Variants in ARHGAP10 observed in about 807,000 individuals in gnomAD.
ARHGAP10 encodes Rho GTPase activating protein 10, also known as rho GTPase-activating protein 10.
A neutral mutation model predicts 108.6 loss-of-function variants in ARHGAP10; 87 were observed. The observed-to-expected ratio is 0.80, with a 90% CI of 0.67 to 0.96. ARHGAP10 has a LOEUF of 0.96. Ranked by LOEUF, ARHGAP10 falls within the 40% of genes least tolerant of loss-of-function variation. The pLI, the probability that ARHGAP10 is intolerant of heterozygous loss-of-function variation, is 0.00. For missense variants in ARHGAP10, 939 were observed against 954.5 expected (o/e 0.98, Z 0.21); for synonymous variants, 347 against 341.1 (o/e 1.02, Z -0.19).
intron 13 of ARHGAP10, among the ~76,000 whole-genome samples, chr4:147,931,531 C>T (rs559716733): frequency 5.3e-5 from 8 of 152,262 alleles, no homozygotes; most frequent in African/African-American, 1.9e-4. Flanking sequence ...CAAGTCAGAT[C>T]AACCTAGCTA....
intron 19 of ARHGAP10, among the ~76,000 whole-genome samples, chr4:148,027,879 C>T (rs1039209849): frequency 6.6e-6 from 1 of 152,046 alleles, no homozygotes; most frequent in African/African-American, 2.4e-5. Flanking sequence ...CGATGGAATG[C>T]TGTTAGCCAT....
chr4:147,763,730 A>G (rs1729681022), intron 1 of ARHGAP10, among the ~76,000 whole-genome samples: 1 of 144,870 alleles, frequency 6.9e-6, no homozygotes, highest in African/African-American at 2.5e-5. Flanking sequence ...TAATTTTTAT[A>G]GACAGATGGT....
chr4:148,020,041 GA>G (rs1426814541), intron 18 of ARHGAP10, among the ~76,000 whole-genome samples: 1 of 152,138 alleles, frequency 6.6e-6, no homozygotes, highest in Admixed American at 6.5e-5. Flanking sequence ...CTGAAAATCT[GA>G]AATTCAAAAT....
chr4:147,829,879 T>C (rs973868591), intron 3 of ARHGAP10, among the ~76,000 whole-genome samples: 17 of 152,248 alleles, frequency 1.1e-4, no homozygotes, highest in Non-Finnish European at 2.4e-4. Context: ...CTCAGGATTC[T>C]GGCAAATAAG....
intron 9 of ARHGAP10, 37 bp downstream of exon 9, chr4:147,879,375 T>A (rs902764782): frequency 3.2e-6 from 5 of 1,559,400 alleles, no homozygotes; most frequent in Non-Finnish European, 4.4e-6. Context: ...GATTATAATC[T>A]GTCAGAGGTA....
At chr4:147,815,120 C>T (rs1200467082) in intron 1 of ARHGAP10, among the ~76,000 whole-genome samples, 2 of 152,188 alleles carry the variant, frequency 1.3e-5, no homozygotes, top group Non-Finnish European at 2.9e-5. Context: ...CCCTCCTCAT[C>T]TCTCACCTGG....
chr4:148,064,512 G>A lies in ARHGAP10; in HGVS notation c.2272+5G>A. 1 of 1,612,848 alleles carries A rather than the reference G, an allele frequency of 6.2e-7. No homozygotes were observed. Among genetic ancestry groups the A allele is most frequent in the East Asian group, 2.2e-5 (1 of 44,864 alleles). ...TAGGAGCAATTTTTGAGGATGGTAA[G>A]TGTTAGTGGGAGCTTCGTCTGTTAA... is the stretch of plus-strand genomic sequence containing the variant. On this transcript the variant is annotated splice_donor_5th_base_variant and intron_variant, in intron 22 of 22. Transcript: ENST00000336498.
chr4:147,831,097 C>A (rs1260128467), intron 3 of ARHGAP10, among the ~76,000 whole-genome samples: 2 of 152,226 alleles, frequency 1.3e-5, no homozygotes, highest in Non-Finnish European at 2.9e-5. Flanking sequence ...TCATGAAACT[C>A]TCCAGGTGAT....
chr4:147,849,826 C>A (rs1479531356), intron 4 of ARHGAP10, among the ~76,000 whole-genome samples: 1 of 152,176 alleles, frequency 6.6e-6, no homozygotes. Flanking sequence ...TGAGCCCTAT[C>A]TGTTTGGTTT....
At chr4:147,902,690 G>A (rs1317944872) in intron 10 of ARHGAP10, among the ~76,000 whole-genome samples, 1 of 152,064 alleles carries the variant, frequency 6.6e-6, no homozygotes, top group East Asian at 1.9e-4. Flanking sequence ...GCAGTAAGCC[G>A]AGACTGCACC....
intron 18 of ARHGAP10, among the ~76,000 whole-genome samples, chr4:148,003,144 G>C (rs1015424711): frequency 6.6e-6 from 1 of 152,146 alleles, no homozygotes; most frequent in African/African-American, 2.4e-5. Context: ...CAAAGACCAT[G>C]TTTATTTCTG....
intron 1 of ARHGAP10, among the ~76,000 whole-genome samples, chr4:147,807,440 A>AT (rs536222650): frequency 6.7e-5 from 10 of 150,304 alleles, no homozygotes; most frequent in Non-Finnish European, 1.0e-4. Flanking sequence ...TTCCAGAATT[A>AT]TTTTTTTTTT....
chr4:147,969,402 CT>C (rs376367084), intron 18 of ARHGAP10, among the ~76,000 whole-genome samples: 119 of 146,574 alleles, frequency 8.1e-4, no homozygotes, highest in African/African-American at 2.9e-3. Flanking sequence ...GTTATTAAGC[CT>C]CATTAGTGTG....
At chr4:148,038,289 T>A (rs1409356383) in intron 19 of ARHGAP10, among the ~76,000 whole-genome samples, 1 of 152,204 alleles carries the variant, frequency 6.6e-6, no homozygotes, top group Non-Finnish European at 1.5e-5. Flanking sequence ...GAGATTTTAT[T>A]GTCATAGTAT....
intron 10 of ARHGAP10, among the ~76,000 whole-genome samples, chr4:147,887,311 T>G (rs974613892): frequency 2.0e-5 from 3 of 152,092 alleles, no homozygotes; most frequent in Non-Finnish European, 4.4e-5. Context: ...TCTGTTCAGG[T>G]GTTTCCATTT....
intron 1 of ARHGAP10, among the ~76,000 whole-genome samples, chr4:147,768,710 A>C (rs1210490149): frequency 2.6e-5 from 4 of 151,000 alleles, no homozygotes; most frequent in Non-Finnish European, 5.9e-5. Context: ...TAAACATTTA[A>C]GTGCTTAAAA....
In ARHGAP10 at chr4:147,847,767, G is replaced by T. The variant is rs17023992; in HGVS notation, c.384+545G>T. On this transcript the variant is annotated intron_variant, in intron 4 of 22. Coordinates refer to ENST00000336498, the MANE Select transcript of ARHGAP10 (RefSeq NM_024605.4). The stretch of plus-strand genomic sequence containing the variant: ...TACTGTGCTGGGGATTCAAAGGTGA[G>T]TGAACCACAGACTTTGTACTTAAGT... Among the ~76,000 whole-genome samples the T allele has an allele frequency of 4.8e-3, 735 of 152,304 alleles. 11 individuals are homozygous for T. Among genetic ancestry groups the T allele is most frequent in the South Asian group, 0.048 (230 of 4,824 alleles).
chr4:147,752,565 GTC>G (rs1202674498), intron 1 of ARHGAP10, among the ~76,000 whole-genome samples: 3 of 151,158 alleles, frequency 2.0e-5, no homozygotes, highest in Non-Finnish European at 4.4e-5. Flanking sequence ...TGGTGACGGG[GTC>G]TCATTTGTTG....
In ARHGAP10 at chr4:147,930,534, CTGTT is replaced by C. The variant is rs746829968; in HGVS notation, c.1229-9289_1229-9286del. Among the ~76,000 whole-genome samples the C allele has an allele frequency of 2.5e-4, 38 of 152,250 alleles. 1 individual carries two copies. The highest frequency in any genetic ancestry group is 6.8e-3 in the Middle Eastern group (2 of 294). Reference sequence around the variant, plus strand: ...GTTACTCTCTTTTAATTTTAATTGTCTGTTTAATTTTACCCTGTGTCTTCACTTG... The same window carrying C: ...GTTACTCTCTTTTAATTTTAATTGTCTAATTTTACCCTGTGTCTTCACTTG... On this transcript the variant is annotated intron_variant, in intron 13 of 22. Coordinates refer to ENST00000336498, the MANE Select transcript of ARHGAP10 (RefSeq NM_024605.4).
Sources: allele counts gnomAD v4.1 joint callset (sites outside exome capture counted in the v4.1 genomes callset), GRCh38; gene constraint gnomAD v4.1.1; transcripts MANE v1.5; gene names NCBI Gene and HGNC (gene_info 2026-07-23, HGNC 2026-07-21).